The following WWOX variants were observed in gnomAD, a reference collection of about 807,000 sequenced individuals.
WWOX encodes the protein WW domain containing oxidoreductase.
Under a neutral mutation model 46.2 loss-of-function variants are expected in WWOX, and 69 were observed. The observed-to-expected ratio is 1.49, with a 90% CI of 1.23 to 1.82. The LOEUF (loss-of-function observed/expected upper bound fraction) is 1.82, where lower values mean the gene tolerates loss of function less well. Ranked by LOEUF, WWOX falls within the 40% of genes most tolerant of loss-of-function variation. The probability of loss-of-function intolerance (pLI) is 0.00; values close to 1 mark genes in which losing one functional copy is unlikely to be tolerated. For synonymous variants in WWOX, 359 were observed against 202.6 expected (o/e 1.77, Z -6.56); for missense variants, 919 against 542.6 (o/e 1.69, Z -6.89).
At chr16:78,140,309 T>C (rs912920217) in intron 4 of WWOX, among the ~76,000 whole-genome samples, 4 of 152,178 alleles carry the variant, frequency 2.6e-5, no homozygotes, top group African/African-American at 9.7e-5. Context: ...GGCTCTCTGA[T>C]GGGACTATAA....
chr16:78,685,944 G>C (rs2047846890), intron 8 of WWOX, among the ~76,000 whole-genome samples: 1 of 151,822 alleles, frequency 6.6e-6, no homozygotes, highest in African/African-American at 2.4e-5. Flanking sequence ...GGAGGGAGGA[G>C]AGACATGGAC....
chr16:78,463,887 A>G (rs1254071735), intron 8 of WWOX, among the ~76,000 whole-genome samples: 4 of 152,188 alleles, frequency 2.6e-5, no homozygotes, highest in Non-Finnish European at 5.9e-5. Flanking sequence ...CTTTTCTAGT[A>G]TGGACCTTTG....
At chr16:78,931,789 C>T (rs956172459) in intron 8 of WWOX, among the ~76,000 whole-genome samples, 1 of 152,174 alleles carries the variant, frequency 6.6e-6, no homozygotes, top group African/African-American at 2.4e-5. Flanking sequence ...TATGGTTTAG[C>T]TGTGTCTCCA....
In WWOX at chr16:78,541,468, C is replaced by T. The variant is rs574559488; in HGVS notation, c.1056+108716C>T. On this transcript the variant is annotated intron_variant, in intron 8 of 8. Coordinates refer to ENST00000566780, the MANE Select transcript of WWOX (RefSeq NM_016373.4). ...CAGCCTGGGCGACAGAGCGAGACTC[C>T]GTCTCAAAAAAAAAAAAAAAAAAAA... Among the ~76,000 whole-genome samples, 367 of 87,962 alleles carry T rather than the reference C, an allele frequency of 4.2e-3. 1 individual carries two copies. Among genetic ancestry groups the T allele is most frequent in the South Asian group, 0.017 (34 of 1,958 alleles). 57.7% of individuals were successfully genotyped at this position (87,962 alleles called of 152,430 possible).
chr16:78,422,661 A>ATGTATG (rs1555536285), intron 6 of WWOX, among the ~76,000 whole-genome samples: 5 of 58,574 alleles, frequency 8.5e-5, no homozygotes, highest in African/African-American at 6.0e-4. Context: ...TTTTTTTTAC[A>ATGTATG]TGTATATATA....
chr16:79,208,620 G>C (rs2051602660), intron 8 of WWOX, among the ~76,000 whole-genome samples: 1 of 124,864 alleles, frequency 8.0e-6, no homozygotes, highest in Non-Finnish European at 1.7e-5. Context: ...GGTGATTAAA[G>C]TGCTCTTTAA....
intron 8 of WWOX, among the ~76,000 whole-genome samples, chr16:78,796,972 T>C (rs577110246): frequency 3.7e-4 from 56 of 152,132 alleles, no homozygotes; most frequent in African/African-American, 1.3e-3. Context: ...ATTATAGGCA[T>C]GAGCCACCAT....
At chr16:78,339,081 C>A (rs1299403014) in intron 5 of WWOX, among the ~76,000 whole-genome samples, 2 of 119,426 alleles carry the variant, frequency 1.7e-5, no homozygotes, top group African/African-American at 5.7e-5. Context: ...ACTTTGGTGC[C>A]CCATGATGAT....
intron 5 of WWOX, 127 bp downstream of exon 5, chr16:78,164,416 T>C (rs760493257): frequency 1.1e-5 from 9 of 855,644 alleles, no homozygotes; most frequent in Admixed American, 4.3e-5. Flanking sequence ...TTTAAAGTCA[T>C]CTTCACTTTG....
chr16:78,753,686 C>T (rs1275321920), intron 8 of WWOX, among the ~76,000 whole-genome samples: 14 of 150,470 alleles, frequency 9.3e-5, no homozygotes, highest in Non-Finnish European at 1.3e-4. Context: ...CCTGTAGTCC[C>T]AGGTACTCAG....
intron 8 of WWOX, among the ~76,000 whole-genome samples, chr16:78,976,217 GT>G (rs1235262930): frequency 6.6e-6 from 1 of 152,164 alleles, no homozygotes; most frequent in Non-Finnish European, 1.5e-5. Flanking sequence ...ATGAATGAAA[GT>G]TTTTTTCCTT....
chr16:78,675,079 T>C (rs2047559790), intron 8 of WWOX, among the ~76,000 whole-genome samples: 4 of 152,238 alleles, frequency 2.6e-5, no homozygotes, highest in Admixed American at 2.6e-4. Context: ...GAGTCTTTGC[T>C]CTAGGCAAGG....
intron 8 of WWOX, among the ~76,000 whole-genome samples, chr16:78,846,269 C>G (rs985993411): frequency 4.6e-5 from 7 of 152,170 alleles, no homozygotes; most frequent in Non-Finnish European, 8.8e-5. Flanking sequence ...AGAAGTTAAC[C>G]TTGTTATGAT....
chr16:78,583,422 T>A (rs1005249848), intron 8 of WWOX, among the ~76,000 whole-genome samples: 1 of 152,188 alleles, frequency 6.6e-6, no homozygotes, highest in Non-Finnish European at 1.5e-5. Flanking sequence ...TGTGGTATCT[T>A]CAAAGGAATT....
At chr16:79,114,595 C>T (rs1377737088) in intron 8 of WWOX, among the ~76,000 whole-genome samples, 1 of 151,882 alleles carries the variant, frequency 6.6e-6, no homozygotes, top group Non-Finnish European at 1.5e-5. Context: ...TCGGAGGGAG[C>T]GCAGCGCCAG....
chr16:78,690,473 G>GC (rs1278126216), intron 8 of WWOX, among the ~76,000 whole-genome samples: 1 of 152,080 alleles, frequency 6.6e-6, no homozygotes, highest in Non-Finnish European at 1.5e-5. Flanking sequence ...GATTGCTTGG[G>GC]CCCTGGACGT....
At chr16:78,677,497 T>C (rs1186093547) in intron 8 of WWOX, among the ~76,000 whole-genome samples, 2 of 152,222 alleles carry the variant, frequency 1.3e-5, no homozygotes, top group Non-Finnish European at 2.9e-5. Flanking sequence ...TCAAACATCC[T>C]GAGCCTGTTC....
At chr16:79,119,624 C>G (rs146279898) in intron 8 of WWOX, among the ~76,000 whole-genome samples, 65 of 152,290 alleles carry the variant, frequency 4.3e-4, no homozygotes, top group African/African-American at 1.5e-3. Flanking sequence ...AATGTGCCAG[C>G]GGCACACACA....
At chr16:79,012,644 T>C (rs534320024) in intron 8 of WWOX, among the ~76,000 whole-genome samples, 3 of 152,296 alleles carry the variant, frequency 2.0e-5, no homozygotes, top group South Asian at 2.1e-4. Flanking sequence ...TGGCTGTGAT[T>C]AACCAATGAA....
Sources: allele counts gnomAD v4.1 joint callset (sites outside exome capture counted in the v4.1 genomes callset), GRCh38; gene constraint gnomAD v4.1.1; transcripts MANE v1.5; gene names NCBI Gene and HGNC (gene_info 2026-07-23, HGNC 2026-07-21).